Variants in BCHE observed in about 807,000 individuals in gnomAD.
BCHE encodes the protein cholinesterase.
Under a neutral mutation model 51.3 loss-of-function variants are expected in BCHE, and 48 were observed. That is an observed-to-expected ratio of 0.94 (90% CI 0.74 to 1.19). The LOEUF (loss-of-function observed/expected upper bound fraction) is 1.19, where lower values mean the gene tolerates loss of function less well. BCHE is among the 50% of genes most tolerant of loss of function. The pLI is 0.00. For synonymous variants in BCHE, 251 were observed against 238.0 expected (o/e 1.05, Z -0.50); for missense variants, 847 against 708.2 (o/e 1.20, Z -2.23).
At chr3:165,778,648 C>T (rs1303232410) in intron 3 of BCHE, 1 of 451,068 alleles carries the variant, frequency 2.2e-6, no homozygotes, top group Admixed American at 2.4e-5. Flanking sequence ...CCTGACTCCA[C>T]TTCACTGTGA....
chr3:165,774,865 T>A (rs913207618), intron 3 of BCHE, among the ~76,000 whole-genome samples: 2 of 152,178 alleles, frequency 1.3e-5, no homozygotes, highest in Non-Finnish European at 2.9e-5. Flanking sequence ...AATTCTGATT[T>A]ATTTGGAAGT....
At chr3:165,797,455 CA>C (rs1343553651) in intron 2 of BCHE, among the ~76,000 whole-genome samples, 2 of 149,404 alleles carry the variant, frequency 1.3e-5, no homozygotes, top group Admixed American at 6.7e-5. Flanking sequence ...TGTGAAGATG[CA>C]TTATGTTTGT....
chr3:165,780,011 A>T (rs1050451242), intron 3 of BCHE, among the ~76,000 whole-genome samples: 4 of 152,194 alleles, frequency 2.6e-5, no homozygotes, highest in African/African-American at 9.6e-5. Context: ...ACTTCAAACT[A>T]TACTACAAGG....
intron 3 of BCHE, among the ~76,000 whole-genome samples, chr3:165,776,267 T>C (rs1366667556): frequency 6.6e-6 from 1 of 151,982 alleles, no homozygotes; most frequent in African/African-American, 2.4e-5. Flanking sequence ...GTAAGTTTCT[T>C]AGAATTGTAA....
intron 2 of BCHE, among the ~76,000 whole-genome samples, chr3:165,826,516 G>C (rs1394602290): frequency 2.0e-5 from 3 of 151,972 alleles, no homozygotes; most frequent in Non-Finnish European, 4.4e-5. Flanking sequence ...AAAGAGGTGG[G>C]GGGGGACTTT....
intron 1 of BCHE, among the ~76,000 whole-genome samples, chr3:165,835,112 T>C (rs1644740251): frequency 6.6e-6 from 1 of 151,876 alleles, no homozygotes; most frequent in South Asian, 2.1e-4. Context: ...TGAGTTTTTG[T>C]TTGGAATTAA....
intron 3 of BCHE, chr3:165,778,835 G>A (rs1003541388): frequency 1.2e-5 from 3 of 247,008 alleles, no homozygotes; most frequent in Non-Finnish European, 2.7e-5. Flanking sequence ...AAGATGTCCA[G>A]AAAACATTCA....
intron 1 of BCHE, among the ~76,000 whole-genome samples, chr3:165,833,004 G>A (rs76362687): frequency 0.053 from 8,041 of 151,696 alleles, 287 homozygotes; most frequent in Non-Finnish European, 0.079. Flanking sequence ...GATACTTAAT[G>A]GATATATCTA....
chr3:165,796,108 T>C lies in BCHE; in HGVS notation c.1518-9797A>G, dbSNP rs538456582. Reference sequence around the variant, plus strand: ...CCAGCACTAATAAAGGGGAACAAATTACACTTCATTTAAAAAAATACTAGG... The same window carrying C: ...CCAGCACTAATAAAGGGGAACAAATCACACTTCATTTAAAAAAATACTAGG... On this transcript the variant is annotated intron_variant, in intron 2 of 3. Transcript: ENST00000264381. Among the ~76,000 whole-genome samples, 48 of 152,124 alleles carry C rather than the reference T, an allele frequency of 3.2e-4. 1 individual carries two copies. Among genetic ancestry groups the C allele is most frequent in the African/African-American group, 8.2e-4 (34 of 41,506 alleles).
chr3:165,836,524 A>G (rs1715195135), intron 1 of BCHE, among the ~76,000 whole-genome samples: 2 of 152,144 alleles, frequency 1.3e-5, no homozygotes, highest in African/African-American at 4.8e-5. Context: ...ACTTTTAGTC[A>G]TTCATAGATT....
intron 2 of BCHE, among the ~76,000 whole-genome samples, chr3:165,804,043 C>T (rs1466189508): frequency 8.1e-6 from 1 of 123,522 alleles, no homozygotes; most frequent in Non-Finnish European, 1.9e-5. Flanking sequence ...AAATGGTAAG[C>T]CTAGAAAGGT....
At chr3:165,795,955 A>G (rs1182247567) in intron 2 of BCHE, among the ~76,000 whole-genome samples, 1 of 152,036 alleles carries the variant, frequency 6.6e-6, no homozygotes, top group African/African-American at 2.4e-5. Flanking sequence ...AGGAGAGGAG[A>G]AGAGGAGAAG....
chr3:165,811,630 T>C (rs1350115612), intron 2 of BCHE, among the ~76,000 whole-genome samples: 2 of 152,074 alleles, frequency 1.3e-5, no homozygotes, highest in Non-Finnish European at 2.9e-5. Context: ...CTGTTCTCAG[T>C]ATTACATTTT....
At chr3:165,791,025 C>T (rs1208189584) in intron 2 of BCHE, among the ~76,000 whole-genome samples, 2 of 152,066 alleles carry the variant, frequency 1.3e-5, no homozygotes, top group Non-Finnish European at 2.9e-5. Context: ...TGGCCAGGCA[C>T]GGTGGCTCAC....
chr3:165,790,067 G>A (rs1713109848), intron 2 of BCHE, among the ~76,000 whole-genome samples: 1 of 151,994 alleles, frequency 6.6e-6, no homozygotes, highest in African/African-American at 2.4e-5. Context: ...CAGTGTGTGT[G>A]TGAGGGGGGG....
At chr3:165,818,902 A>G (rs976808741) in intron 2 of BCHE, among the ~76,000 whole-genome samples, 2 of 152,100 alleles carry the variant, frequency 1.3e-5, no homozygotes, top group Non-Finnish European at 1.5e-5. Flanking sequence ...TTAACTTGGC[A>G]ACTATGTGGC....
At chr3:165,777,830 T>C in intron 3 of BCHE, 1 of 441,290 alleles carries the variant, frequency 2.3e-6, no homozygotes, top group Non-Finnish European at 4.6e-6. Context: ...ATGAAAACCT[T>C]TGTGATGATC....
intron 2 of BCHE, among the ~76,000 whole-genome samples, chr3:165,811,098 G>A (rs1714075948): frequency 6.6e-6 from 1 of 151,946 alleles, no homozygotes; most frequent in African/African-American, 2.4e-5. Flanking sequence ...TAAAAAATCA[G>A]TCATGAAAAT....
At chr3:165,794,618 G>A (rs1429967956) in intron 2 of BCHE, among the ~76,000 whole-genome samples, 1 of 152,114 alleles carries the variant, frequency 6.6e-6, no homozygotes, top group Admixed American at 6.6e-5. Context: ...ACTCATGAGG[G>A]CTCTACGCTC....
Sources: gnomAD v4.1 joint callset for allele counts (sites outside exome capture counted in the v4.1 genomes callset) on GRCh38, gnomAD v4.1.1 for gene constraint, MANE v1.5 for transcripts, NCBI Gene and HGNC (gene_info 2026-07-23, HGNC 2026-07-21) for gene names.